The following RNF220 variants were observed in gnomAD, a reference collection of about 807,000 sequenced individuals.
RNF220 encodes the protein E3 ubiquitin-protein ligase RNF220.
RNF220 carries 7 observed loss-of-function variants against 67.1 expected under a neutral mutation model. That is an observed-to-expected ratio of 0.10 (90% CI 0.06 to 0.20). The LOEUF (loss-of-function observed/expected upper bound fraction) is 0.20, where lower values mean the gene tolerates loss of function less well. Among genes scored for constraint, RNF220 ranks in the 10% least tolerant of loss-of-function variants. RNF220 has a pLI of 1.00. For synonymous variants in RNF220, 270 were observed against 283.2 expected (o/e 0.95, Z 0.47); for missense variants, 565 against 740.3 (o/e 0.76, Z 2.75).
chr1:44,549,144 A>G (rs1662411889), intron 2 of RNF220, among the ~76,000 whole-genome samples: 1 of 152,132 alleles, frequency 6.6e-6, no homozygotes, highest in East Asian at 1.9e-4. Context: ...CCAAGATCAC[A>G]CCAGTGCACT....
At chr1:44,525,118 GA>G (rs530784643) in intron 2 of RNF220, among the ~76,000 whole-genome samples, 20 of 152,094 alleles carry the variant, frequency 1.3e-4, no homozygotes, top group Non-Finnish European at 1.6e-4. Flanking sequence ...GTCTGGAAAA[GA>G]AAAAAAATCT....
intron 8 of RNF220, among the ~76,000 whole-genome samples, chr1:44,636,801 A>G (rs1219900312): frequency 1.3e-5 from 2 of 152,234 alleles, no homozygotes; most frequent in African/African-American, 2.4e-5. Context: ...CCCAGTTGCT[A>G]CAAAGGAGTG....
chr1:44,421,566 G>A (rs1201014569), intron 2 of RNF220, among the ~76,000 whole-genome samples: 1 of 132,000 alleles, frequency 7.6e-6, no homozygotes, highest in Admixed American at 9.4e-5. Context: ...TTGTAGGTCA[G>A]AAGAGAAATA....
At chr1:44,484,200 C>T (rs1287373796) in intron 2 of RNF220, among the ~76,000 whole-genome samples, 1 of 152,024 alleles carries the variant, frequency 6.6e-6, no homozygotes, top group Non-Finnish European at 1.5e-5. Context: ...CAGGTTGAGC[C>T]GTCCCCTAGG....
At chr1:44,562,206 TGAACG>T (rs1663623768) in intron 2 of RNF220, among the ~76,000 whole-genome samples, 1 of 152,148 alleles carries the variant, frequency 6.6e-6, no homozygotes, top group Non-Finnish European at 1.5e-5. Context: ...GCATGAGGTC[TGAACG>T]TAGTTTGGCA....
chr1:44,586,775 C>T (rs1327241920), intron 2 of RNF220, among the ~76,000 whole-genome samples: 1 of 152,164 alleles, frequency 6.6e-6, no homozygotes, highest in Non-Finnish European at 1.5e-5. Context: ...GGCAAGGTCC[C>T]TGCTGAGGAT....
chr1:44,612,022 C>G (rs1302882716), intron 2 of RNF220, among the ~76,000 whole-genome samples: 1 of 152,162 alleles, frequency 6.6e-6, no homozygotes, highest in African/African-American at 2.4e-5. Context: ...GCCTCATCTC[C>G]CACCTCCCAG....
At chr1:44,582,852 C>G (rs1435386709) in intron 2 of RNF220, among the ~76,000 whole-genome samples, 1 of 151,770 alleles carries the variant, frequency 6.6e-6, no homozygotes, top group South Asian at 2.1e-4. Context: ...AGTGAAACCC[C>G]ATCTCTACTA....
intron 2 of RNF220, among the ~76,000 whole-genome samples, chr1:44,493,294 T>G (rs1657020293): frequency 6.6e-6 from 1 of 152,162 alleles, no homozygotes; most frequent in African/African-American, 2.4e-5. Flanking sequence ...GGCGGGTGGA[T>G]CACGAGGTCA....
intron 2 of RNF220, among the ~76,000 whole-genome samples, chr1:44,519,676 T>G (rs533845570): frequency 2.0e-5 from 3 of 152,228 alleles, no homozygotes; most frequent in African/African-American, 7.2e-5. Context: ...CGGCCCAAGT[T>G]GTGAACCTCC....
intron 2 of RNF220, among the ~76,000 whole-genome samples, chr1:44,551,714 A>G (rs2148258221): frequency 6.6e-6 from 1 of 152,198 alleles, no homozygotes; most frequent in South Asian, 2.1e-4. Context: ...TATGGTAGCA[A>G]CCTCCCATTG....
At chr1:44,431,479 A>C (rs996680176) in intron 2 of RNF220, among the ~76,000 whole-genome samples, 2 of 149,766 alleles carry the variant, frequency 1.3e-5, no homozygotes, top group African/African-American at 5.0e-5. Context: ...GCGACAGAGC[A>C]AGACTTCATC....
Position 44,606,298 on chromosome 1 carries a change from T to C in RNF220, c.626-7867T>C, listed in dbSNP as rs189476716. Among the ~76,000 whole-genome samples the C allele has an allele frequency of 6.6e-6, 1 of 152,336 alleles. No homozygotes were observed. Among genetic ancestry groups the C allele is most frequent in the African/African-American group, 2.4e-5 (1 of 41,568 alleles). ...GTCTTGGGGCCTCGTTCATATTGACTGAAGGTAAAAAATGCCATCTGTCAG... is the reference window on the plus strand; with the variant it reads ...GTCTTGGGGCCTCGTTCATATTGACCGAAGGTAAAAAATGCCATCTGTCAG... On this transcript the variant is annotated intron_variant, in intron 2 of 14. Coordinates refer to ENST00000361799, the MANE Select transcript of RNF220 (RefSeq NM_018150.4). The surrounding 1 kb of genome is among the most constrained non-coding windows in gnomAD (Gnocchi z 4.2).
At chr1:44,567,643 G>C (rs1166784305) in intron 2 of RNF220, among the ~76,000 whole-genome samples, 1 of 152,086 alleles carries the variant, frequency 6.6e-6, no homozygotes, top group Non-Finnish European at 1.5e-5. Context: ...CAGCAATCAA[G>C]AGAGATTCTG....
intron 2 of RNF220, among the ~76,000 whole-genome samples, chr1:44,589,776 T>C (rs1665984443): frequency 6.6e-6 from 1 of 152,180 alleles, no homozygotes; most frequent in South Asian, 2.1e-4. Context: ...TTGTGTCTTA[T>C]ATTTCTGTCT....
chr1:44,525,624 C>T (rs1208985370), intron 2 of RNF220, among the ~76,000 whole-genome samples: 2 of 152,180 alleles, frequency 1.3e-5, no homozygotes, highest in Non-Finnish European at 2.9e-5. Flanking sequence ...ATCCTCTCTA[C>T]TTACTTGTCA....
intron 2 of RNF220, among the ~76,000 whole-genome samples, chr1:44,471,801 G>A (rs966349169): frequency 1.3e-5 from 2 of 151,362 alleles, no homozygotes; most frequent in Non-Finnish European, 2.9e-5. Flanking sequence ...TCCAGCTTGG[G>A]CAACAAGAAC....
At position 44,547,206 on chromosome 1, in the gene RNF220, CT is replaced by C; in HGVS notation, c.626-66957del. On this transcript the variant is annotated intron_variant, in intron 2 of 14. Coordinates refer to ENST00000361799, the MANE Select transcript of RNF220 (RefSeq NM_018150.4). ...TCACAAAAATGCAACTGGACCAAGC[CT>C]TCCCCATTTTAAAAAACACATTCTT... Among the ~76,000 whole-genome samples, 2 of 152,296 alleles carry C rather than the reference CT, an allele frequency of 1.3e-5. 1 individual carries two copies. The highest frequency in any genetic ancestry group is 4.1e-4 in the South Asian group (2 of 4,828).
At chr1:44,641,200 T>TC (rs947580174) in intron 8 of RNF220, among the ~76,000 whole-genome samples, 1 of 152,214 alleles carries the variant, frequency 6.6e-6, no homozygotes, top group African/African-American at 2.4e-5. Context: ...TATTTTTTTT[T>TC]GCACTACCCA....
Sources: allele counts gnomAD v4.1 joint callset (sites outside exome capture counted in the v4.1 genomes callset), GRCh38; gene constraint gnomAD v4.1.1; non-coding constraint Gnocchi (gnomAD v3.1); transcripts MANE v1.5; gene names NCBI Gene and HGNC (gene_info 2026-07-23, HGNC 2026-07-21).